Variants in PKIB observed in about 807,000 individuals in gnomAD.
PKIB encodes the protein PKI-beta.
PKIB carries 2 observed loss-of-function variants against 4.5 expected under a neutral mutation model. That is an observed-to-expected ratio of 0.44 (90% CI 0.18 to 1.39). The LOEUF (loss-of-function observed/expected upper bound fraction) is 1.39, where lower values mean the gene tolerates loss of function less well. Ranked by LOEUF, PKIB falls within the 40% of genes most tolerant of loss-of-function variation. The pLI is 0.27. For synonymous variants in PKIB, 38 were observed against 36.0 expected, an observed-to-expected ratio of 1.06 and a Z score of -0.20; for missense variants, 94 against 92.6, an observed-to-expected ratio of 1.02 and a Z score of -0.06.
intron 3 of PKIB, chr6:122,701,441 C>A: frequency 6.3e-7 from 1 of 1,576,276 alleles, no homozygotes; most frequent in East Asian, 2.3e-5. Context: ...CATTTACAGG[C>A]TGAAGCTTCA....
At chr6:122,486,162 C>A (rs769728640) in intron 2 of PKIB, among the ~76,000 whole-genome samples, 2 of 152,126 alleles carry the variant, frequency 1.3e-5, no homozygotes, top group Non-Finnish European at 2.9e-5. Flanking sequence ...TCTTTTAAAT[C>A]CATCACTGTC....
intron 3 of PKIB, among the ~76,000 whole-genome samples, chr6:122,603,308 A>G (rs1247696182): frequency 2.0e-5 from 3 of 152,150 alleles, no homozygotes; most frequent in Non-Finnish European, 4.4e-5. Flanking sequence ...ATATTTTCCA[A>G]TTTAATAAGA....
At chr6:122,696,526 G>A (rs559498513) in intron 3 of PKIB, among the ~76,000 whole-genome samples, 96 of 152,200 alleles carry the variant, frequency 6.3e-4, no homozygotes, top group African/African-American at 2.1e-3. Flanking sequence ...TATGTTCTTC[G>A]ACCCTAGAAA....
intron 4 of PKIB, among the ~76,000 whole-genome samples, chr6:122,724,781 G>A (rs757145420): frequency 5.9e-5 from 9 of 152,258 alleles, no homozygotes; most frequent in South Asian, 4.1e-4. Flanking sequence ...CATACACCAC[G>A]GAGTCAGTTG....
At chr6:122,481,961 G>GGT (rs1554213569) in intron 2 of PKIB, 3 of 144,850 alleles carry the variant, frequency 2.1e-5, no homozygotes, top group Admixed American at 6.9e-5. Context: ...GCAAAGGTAA[G>GGT]TTTTGTTTTT....
At chr6:122,631,740 G>T (rs1775712982) in intron 1 of PKIB, among the ~76,000 whole-genome samples, 1 of 152,140 alleles carries the variant, frequency 6.6e-6, no homozygotes, top group African/African-American at 2.4e-5. Flanking sequence ...GTTGAAACTA[G>T]AACTGAGTTC....
chr6:122,618,894 T>G (rs1775099830), intron 1 of PKIB, among the ~76,000 whole-genome samples: 1 of 152,156 alleles, frequency 6.6e-6, no homozygotes, highest in African/African-American at 2.4e-5. Context: ...TTTTACAAAA[T>G]ATCTTCAGAA....
intron 3 of PKIB, among the ~76,000 whole-genome samples, chr6:122,690,078 T>C (rs1778264411): frequency 6.6e-6 from 1 of 152,136 alleles, no homozygotes; most frequent in South Asian, 2.1e-4. Flanking sequence ...CTCCTGCTCT[T>C]TTTTGACTTC....
At chr6:122,555,768 A>G (rs779395331) in intron 2 of PKIB, among the ~76,000 whole-genome samples, 6 of 152,184 alleles carry the variant, frequency 3.9e-5, no homozygotes, top group Non-Finnish European at 7.3e-5. Context: ...GGCTGGTTTG[A>G]AGATCCTGTT....
intron 2 of PKIB, among the ~76,000 whole-genome samples, chr6:122,520,877 G>A (rs530760187): frequency 1.3e-5 from 2 of 152,278 alleles, no homozygotes; most frequent in East Asian, 3.9e-4. Context: ...CTCTTGGAGA[G>A]CATTTTCTGC....
chr6:122,665,484 T>C (rs989073003), intron 2 of PKIB, among the ~76,000 whole-genome samples: 1 of 152,202 alleles, frequency 6.6e-6, no homozygotes, highest in Non-Finnish European at 1.5e-5. Flanking sequence ...ATAAGATCCT[T>C]CTAATGCATT....
At chr6:122,717,654 T>G in intron 3 of PKIB, 133 bp from the exon 4 acceptor site, 1 of 850,950 alleles carries the variant, frequency 1.2e-6, no homozygotes, top group Middle Eastern at 3.6e-4. Flanking sequence ...CAGTAGACAT[T>G]GATGAAGGTT....
intron 3 of PKIB, among the ~76,000 whole-genome samples, chr6:122,696,061 A>G (rs751865595): frequency 4.6e-5 from 7 of 152,304 alleles, no homozygotes; most frequent in African/African-American, 1.7e-4. Context: ...TTAATACTCT[A>G]TAAAGGTGGT....
intron 3 of PKIB, among the ~76,000 whole-genome samples, chr6:122,698,421 T>C (rs1210862501): frequency 6.6e-6 from 1 of 152,124 alleles, no homozygotes; most frequent in Non-Finnish European, 1.5e-5. Context: ...CTCCAATGCA[T>C]TACCAGGCAT....
At chr6:122,666,495 C>T (rs1307820366) in intron 2 of PKIB, among the ~76,000 whole-genome samples, 3 of 151,320 alleles carry the variant, frequency 2.0e-5, no homozygotes. Flanking sequence ...TTTTGTTTTA[C>T]TTCTCTTCCA....
rs1056163002 is a variant in PKIB, at chr6:122,725,749, A to C, written c.*554A>C. On this transcript the variant is annotated 3_prime_UTR_variant, in exon 5 of 5. Transcript: ENST00000368452. ...AAAAATTGTAAAAGTTTGATAACAG[A>C]AACATCTTTAGGATATTTTTGTCTG... The C allele has an allele frequency of 6.6e-6, 1 of 152,230 alleles. No homozygotes were observed. Among genetic ancestry groups the C allele is most frequent in the Admixed American group, 6.5e-5 (1 of 15,268 alleles). The allele number at this position is 152,230 out of a possible 1,614,324, so 9.4% of individuals were successfully genotyped here.
At chr6:122,567,220 G>A (rs186797244) in intron 2 of PKIB, among the ~76,000 whole-genome samples, 12 of 152,276 alleles carry the variant, frequency 7.9e-5, no homozygotes, top group East Asian at 5.8e-4. Flanking sequence ...ATTTCTCTCC[G>A]AGTGTGTGCT....
intron 2 of PKIB, among the ~76,000 whole-genome samples, chr6:122,502,523 G>A (rs1436912402): frequency 1.3e-5 from 2 of 151,840 alleles, no homozygotes; most frequent in Non-Finnish European, 2.9e-5. Context: ...AAGAGAGAGA[G>A]AGTGAAGGGG....
chr6:122,481,687 T>G (rs543480423), intron 2 of PKIB: 1 of 152,204 alleles, frequency 6.6e-6, no homozygotes, highest in Non-Finnish European at 1.5e-5. Flanking sequence ...TGTTTGTGTG[T>G]GTACATACAC....
Sources: allele counts gnomAD v4.1 joint callset (sites outside exome capture counted in the v4.1 genomes callset), GRCh38; gene constraint gnomAD v4.1.1; transcripts MANE v1.5; gene names NCBI Gene and HGNC (gene_info 2026-07-23, HGNC 2026-07-21).